The following ADAMTSL2 variants were observed in gnomAD, a reference collection of about 807,000 sequenced individuals.
ADAMTSL2 encodes the protein ADAMTS like 2.
ADAMTSL2 carries 55 observed loss-of-function variants against 117.0 expected under a neutral mutation model. The observed-to-expected ratio is 0.47, with a 90% CI of 0.38 to 0.59. ADAMTSL2 has a LOEUF of 0.59. ADAMTSL2 is among the 20% of genes least tolerant of loss of function. The pLI is 0.00. For missense variants in ADAMTSL2, 1,182 were observed against 1,354.5 expected, an observed-to-expected ratio of 0.87 and a Z score of 2.00; for synonymous variants, 572 against 566.4, an observed-to-expected ratio of 1.01 and a Z score of -0.14.
At position 133,558,575 on chromosome 9, in the gene ADAMTSL2, C is replaced by T. The variant is rs1170952351; in HGVS notation, c.1650-2623C>T. 1.3e-5 allele frequency among the ~76,000 whole-genome samples: 2 copies of T among 152,202 alleles called. No individual in the cohort carries two copies. Among genetic ancestry groups the T allele is most frequent in the African/African-American group, 4.8e-5 (2 of 41,442 alleles). Reference sequence around the variant, plus strand: ...GAGCACTTTCTGGCTTGTTTATAAACAAACACGGTGGCTTCAGAGCTTCTC... The same window carrying T: ...GAGCACTTTCTGGCTTGTTTATAAATAAACACGGTGGCTTCAGAGCTTCTC... On this transcript the variant is annotated intron_variant, in intron 11 of 18. Coordinates refer to ENST00000651351, the MANE Select transcript of ADAMTSL2 (RefSeq NM_014694.4). The surrounding 1 kb of genome is among the most constrained non-coding windows in gnomAD (Gnocchi z 4.3).
Position 133,538,364 on chromosome 9 carries a change from G to C in ADAMTSL2, c.249G>C (p.Pro83=), listed in dbSNP as rs539727283. The C allele has an allele frequency of 1.9e-6, 3 of 1,613,252 alleles. No individual in the cohort carries two copies. In the East Asian group the frequency reaches 6.7e-5, roughly 36 times the overall value. Residue 83 remains proline (P), a synonymous_variant, in exon 4 of 19, where the codon CCG becomes CCC. Coordinates refer to ENST00000651351, the MANE Select transcript of ADAMTSL2 (RefSeq NM_014694.4). ...HCLQQRRKSV[P]GPGNRTCTGT... ...TTTCTGCCAGGAGGAAGTCCGTCCC[G>C]GGCCCCGGGAACAGGACCTGCACGG...
At chr9:133,567,685 G>A (rs914518954) in intron 13 of ADAMTSL2, among the ~76,000 whole-genome samples, 4 of 152,188 alleles carry the variant, frequency 2.6e-5, no homozygotes, top group Non-Finnish European at 4.4e-5. Context: ...CTTCCTGCAC[G>A]TTTGCTCCTT....
upstream of ADAMTSL2, chr9:133,534,376 A>G (rs1829997655): frequency 9.8e-6 from 2 of 204,396 alleles, no homozygotes; most frequent in Admixed American, 6.0e-5. Context: ...CTCTGGAGGC[A>G]GAAGCCGGAC....
rs757873971 is a variant in ADAMTSL2, at chr9:133,554,639, G to A, written c.1222G>A (p.Glu408Lys). Residue 408 changes from glutamate to lysine, a missense_variant, in exon 10 of 19, where the codon GAG (glutamate) becomes AAG (lysine). Glu to Lys is a moderately conservative substitution (Grantham distance 56, BLOSUM62 1). Around this residue, in one of 3 missense-constraint regions of ADAMTSL2, gnomAD observed 345 missense variants for 325.8 expected, o/e 1.06. Transcript: ENST00000651351. The surrounding 1 kb of genome is among the most constrained non-coding windows in gnomAD (Gnocchi z 5.2). ...SQGQETNEVCEQAGGGACEGP... is the reference protein window; with the variant it reads ...SQGQETNEVCKQAGGGACEGP... Reference sequence around the variant, plus strand: ...GGGCCAGGAGACCAACGAGGTGTGCGAGCAGGCCGGCGGCGGGGCCTGCGA... The same window carrying A: ...GGGCCAGGAGACCAACGAGGTGTGCAAGCAGGCCGGCGGCGGGGCCTGCGA... 1,586 of 1,538,428 alleles carry A rather than the reference G, an allele frequency of 1.0e-3. 3 individuals are homozygous for A. The highest frequency in any genetic ancestry group is 1.3e-3 in the Non-Finnish European group (1,490 of 1,138,590).
chr9:133,549,789 G>A (rs1166055149), intron 9 of ADAMTSL2, among the ~76,000 whole-genome samples: 9 of 152,172 alleles, frequency 5.9e-5, no homozygotes, highest in Admixed American at 2.0e-4. Flanking sequence ...GTGTGTGGCC[G>A]CAGCCTAAAG....
rs960685440 is a variant in ADAMTSL2, at chr9:133,554,107, C to T, written c.940-250C>T. 1.3e-5 allele frequency among the ~76,000 whole-genome samples: 2 copies of T among 152,222 alleles called. No individual in the cohort carries two copies. Among genetic ancestry groups the T allele is most frequent in the African/African-American group, 4.8e-5 (2 of 41,458 alleles). ...CCTGGAAGACTGTGACGCCTTGTTG[C>T]CTGTACCCAGGGTGGGCCACTCCCC... On this transcript the variant is annotated intron_variant, in intron 9 of 18. Coordinates refer to ENST00000651351, the MANE Select transcript of ADAMTSL2 (RefSeq NM_014694.4). This position sits in a 1 kb window ranked among gnomAD's most constrained non-coding sequence, Gnocchi z 5.2.
chr9:133,539,996 G>C, intron 5 of ADAMTSL2, 123 bp downstream of exon 5: 1 of 931,368 alleles, frequency 1.1e-6, no homozygotes, highest in Non-Finnish European at 1.7e-6. Flanking sequence ...GTCAGACGAA[G>C]AGCCAGGAAT....
Position 133,544,559 on chromosome 9 carries a change from G to A in ADAMTSL2, c.763+9G>A, listed in dbSNP as rs1324219747. 6.8e-6 allele frequency: 11 copies of A among 1,610,332 alleles called. No individual in the cohort carries two copies. In the East Asian group the frequency reaches 1.3e-4, roughly 20 times the overall value. On this transcript the variant is annotated intron_variant, in intron 8 of 18. Coordinates refer to ENST00000651351, the MANE Select transcript of ADAMTSL2 (RefSeq NM_014694.4). ...GTCCGCTGACGTGCTAGGTGGGTAC[G>A]CAGTGTCTGGCAGCTGCCTCACTGA...
chr9:133,539,083 G>A (rs1421121675), intron 4 of ADAMTSL2, among the ~76,000 whole-genome samples: 1 of 152,200 alleles, frequency 6.6e-6, no homozygotes, highest in Non-Finnish European at 1.5e-5. Flanking sequence ...GTGTCTGTGT[G>A]TCTCAGGGGG....
At chr9:133,551,866 G>A (rs1267747830) in intron 9 of ADAMTSL2, among the ~76,000 whole-genome samples, 2 of 128,298 alleles carry the variant, frequency 1.6e-5, no homozygotes, top group South Asian at 2.5e-4. Flanking sequence ...GTCTTACCCT[G>A]TTGCCCAGGC....
In ADAMTSL2 at chr9:133,561,224, G is replaced by T; in HGVS notation, c.1676G>T (p.Gly559Val). Residue 559 changes from glycine to valine, a missense_variant, in exon 12 of 19, where the codon GGC becomes GTC. Around this residue, in one of 3 missense-constraint regions of ADAMTSL2, gnomAD observed 345 missense variants for 325.8 expected, o/e 1.06. Transcript: ENST00000651351. ...ARTRPKARKQ[G>V]VSPADMYRWK... ...ACCAGGCCCAAGGCGCGCAAGCAAG[G>T]CGTGAGTCCCGCGGACATGTACCGG... 6.2e-7 allele frequency: 1 copy of T among 1,608,380 alleles called. No individual in the cohort carries two copies.
intron 10 of ADAMTSL2, 56 bp from the exon 11 acceptor site, chr9:133,555,502 C>G: frequency 6.2e-6 from 10 of 1,610,832 alleles, no homozygotes; most frequent in Non-Finnish European, 8.5e-6. Flanking sequence ...CCCAGGGCAG[C>G]CCTTGCCCCC....
chr9:133,555,970 G>T, intron 11 of ADAMTSL2, 40 bp downstream of exon 11: 1 of 1,598,520 alleles, frequency 6.3e-7, no homozygotes, highest in Non-Finnish European at 8.5e-7. Context: ...GGGCCCTCAG[G>T]GGGCAGGATG....
chr9:133,535,325 C>T (rs558685033), intron 1 of ADAMTSL2, among the ~76,000 whole-genome samples: 2 of 142,378 alleles, frequency 1.4e-5, no homozygotes, highest in African/African-American at 2.5e-5. Flanking sequence ...GGAGGGGGCT[C>T]CTGTGGGTGT....
At chr9:133,551,358 G>A (rs981478907) in intron 9 of ADAMTSL2, among the ~76,000 whole-genome samples, 2 of 152,140 alleles carry the variant, frequency 1.3e-5, no homozygotes, top group African/African-American at 2.4e-5. Context: ...AAGAGTCTTG[G>A]ATGGGGGAGT....
rs1337823246 is a variant in ADAMTSL2, at chr9:133,563,970, GGAGA to G, written c.1747+2689_1747+2692del. Among the ~76,000 whole-genome samples the G allele has an allele frequency of 9.5e-4, 3 of 3,170 alleles. 1 individual carries two copies. The highest frequency in any genetic ancestry group is 6.5e-3 in the African/African-American group (3 of 464). The allele number at this position is 3,170 out of a possible 152,430, so 2.1% of individuals were successfully genotyped here. ...GAGAGAGAGAGAGGGAGAGAGAGAG[GGAGA>G]GAGAGAGAGAGAGGGAGAGAGAGAG... On this transcript the variant is annotated intron_variant, in intron 12 of 18. Transcript: ENST00000651351.
At chr9:133,535,296 C>T (rs1230945563) in intron 1 of ADAMTSL2, among the ~76,000 whole-genome samples, 1 of 149,740 alleles carries the variant, frequency 6.7e-6, no homozygotes, top group Non-Finnish European at 1.5e-5. Context: ...CTGGGGCACC[C>T]GTTAGCCAAT....
chr9:133,570,560 G>A (rs1831082318), intron 17 of ADAMTSL2, 53 bp downstream of exon 17: 7 of 1,552,078 alleles, frequency 4.5e-6, no homozygotes, highest in African/African-American at 4.1e-5. Context: ...CCTGAATGTC[G>A]ATCCCGCCCC....
intron 8 of ADAMTSL2, among the ~76,000 whole-genome samples, chr9:133,544,864 G>A (rs74564153): frequency 0.014 from 2,189 of 152,308 alleles, 60 homozygotes; most frequent in African/African-American, 0.048. Context: ...GCTGGGGGCC[G>A]CTGCAGATGA....
Sources: gnomAD v4.1 joint callset for allele counts (sites outside exome capture counted in the v4.1 genomes callset) on GRCh38, gnomAD v4.1.1 for gene constraint, gnomAD v4.1.1 regional missense constraint, Gnocchi (gnomAD v3.1) non-coding constraint, MANE v1.5 for transcripts, NCBI Gene and HGNC (gene_info 2026-07-23, HGNC 2026-07-21) for gene names.